Variants in ARID1B observed in about 807,000 individuals in gnomAD.
ARID1B encodes the protein AT-rich interactive domain-containing protein 1B.
ARID1B carries 30 observed loss-of-function variants against 212.3 expected under a neutral mutation model. The ratio of observed to expected loss-of-function variants is 0.14; its 90% CI spans 0.11 to 0.19. The LOEUF (loss-of-function observed/expected upper bound fraction) is 0.19. Among genes scored for constraint, ARID1B ranks in the 10% least tolerant of loss-of-function variants. ARID1B has a pLI of 1.00. For missense variants in ARID1B, 2,891 were observed against 3,204.0 expected (o/e 0.90, Z 2.36); for synonymous variants, 1,402 against 1,301.7 (o/e 1.08, Z -1.66).
At chr6:156,934,913 T>C in intron 3 of ARID1B, among the ~76,000 whole-genome samples, 1 of 30,858 alleles carries the variant, frequency 3.2e-5, no homozygotes, top group South Asian at 7.6e-4. Flanking sequence ...AGTTGTTAAT[T>C]ATATATATAT....
chr6:157,044,491 C>T (rs568215145), intron 4 of ARID1B, among the ~76,000 whole-genome samples: 2 of 152,272 alleles, frequency 1.3e-5, no homozygotes, highest in South Asian at 2.1e-4. Flanking sequence ...ACAATGGCAA[C>T]CCATGTCTGA....
At chr6:156,882,291 C>G (rs1254185785) in intron 2 of ARID1B, among the ~76,000 whole-genome samples, 1 of 152,178 alleles carries the variant, frequency 6.6e-6, no homozygotes, top group Non-Finnish European at 1.5e-5. Flanking sequence ...CAGCCTGCCT[C>G]TCTGCTGTGC....
chr6:157,182,729 C>G (rs1792652153), intron 12 of ARID1B, among the ~76,000 whole-genome samples: 1 of 152,160 alleles, frequency 6.6e-6, no homozygotes, highest in South Asian at 2.1e-4. Context: ...GCTGCATAAC[C>G]AGCTGCTAAG....
chr6:157,131,386 A>G (rs1788536141), intron 6 of ARID1B, among the ~76,000 whole-genome samples: 1 of 152,070 alleles, frequency 6.6e-6, no homozygotes, highest in Non-Finnish European at 1.5e-5. Flanking sequence ...GGGAAAGGGC[A>G]AGGGTTGGTG....
At chr6:157,132,028 A>T (rs1788587067) in intron 6 of ARID1B, among the ~76,000 whole-genome samples, 1 of 152,170 alleles carries the variant, frequency 6.6e-6, no homozygotes, top group Non-Finnish European at 1.5e-5. Flanking sequence ...ATATGCTCTC[A>T]TTTCCTTTTA....
At chr6:157,160,052 G>C (rs980671776) in intron 8 of ARID1B, among the ~76,000 whole-genome samples, 3 of 152,228 alleles carry the variant, frequency 2.0e-5, no homozygotes, top group African/African-American at 7.2e-5. Context: ...GCTCCAGCTT[G>C]TCTGCTAGCA....
intron 4 of ARID1B, among the ~76,000 whole-genome samples, chr6:157,066,605 C>G (rs137987526): frequency 6.6e-6 from 1 of 152,122 alleles, no homozygotes; most frequent in Non-Finnish European, 1.5e-5. Context: ...TCATGGTGGT[C>G]TTTTGTTCCA....
intron 12 of ARID1B, among the ~76,000 whole-genome samples, chr6:157,181,850 C>T (rs956521449): frequency 6.6e-6 from 1 of 152,196 alleles, no homozygotes; most frequent in Non-Finnish European, 1.5e-5. Context: ...GGACCACGCC[C>T]TGTCATAGGA....
At chr6:156,800,360 G>A (rs781215411) in intron 1 of ARID1B, among the ~76,000 whole-genome samples, 2 of 152,126 alleles carry the variant, frequency 1.3e-5, no homozygotes, top group Admixed American at 6.5e-5. Flanking sequence ...AGGCCGAGGC[G>A]GGTGGATCAT....
At chr6:156,956,902 C>T (rs768758715) in intron 4 of ARID1B, among the ~76,000 whole-genome samples, 5 of 152,072 alleles carry the variant, frequency 3.3e-5, no homozygotes, top group Non-Finnish European at 5.9e-5. Flanking sequence ...TGGCTAGTGC[C>T]GACCATACTG....
chr6:157,174,307 C>T (rs1292586805), intron 10 of ARID1B, 190 bp downstream of exon 10: 1 of 551,400 alleles, frequency 1.8e-6, no homozygotes, highest in African/African-American at 1.9e-5. Context: ...CTGAAAGTTA[C>T]TAGTTCTTAT....
In ARID1B at chr6:157,201,118, T is replaced by C. The variant is rs61747988; in HGVS notation, c.4893T>C (p.His1631=). 4,873 of 1,614,160 alleles carry C rather than the reference T, an allele frequency of 3.0e-3. 142 individuals carry two copies. In the African/African-American group the frequency reaches 0.055, roughly 18 times the overall value. ...TGGTACCCGATCAGAGGATAAATCA[T>C]GAGAGCCAGTGGCCTTCTCACGTCA... The part of the protein sequence containing the change: ...DMMVPDQRIN[H]ESQWPSHVSQ... Residue 1631 remains histidine, a synonymous_variant, in exon 18 of 20, where the codon CAT becomes CAC. Coordinates refer to ENST00000636930, the MANE Select transcript of ARID1B (RefSeq NM_001374828.1). This position sits in a 1 kb window ranked among gnomAD's most constrained non-coding sequence, Gnocchi z 5.2.
chr6:156,849,933 CTG>C lies in ARID1B; in HGVS notation c.1986+20514_1986+20515del, dbSNP rs1336631568. Among the ~76,000 whole-genome samples, 8 of 151,344 alleles carry C rather than the reference CTG, an allele frequency of 5.3e-5. No individual in the cohort carries two copies. The East Asian group carries it at 1.5e-3, about 29-fold the overall frequency. ...ACACCGGGCTTTCTGAAACCCAGTG[CTG>C]TCTTTTTTTGTAATACTCCTGTGGA... On this transcript the variant is annotated intron_variant, in intron 2 of 19. Coordinates refer to ENST00000636930, the MANE Select transcript of ARID1B (RefSeq NM_001374828.1).
chr6:157,035,385 C>T (rs1163367110), intron 4 of ARID1B, among the ~76,000 whole-genome samples: 3 of 152,122 alleles, frequency 2.0e-5, no homozygotes, highest in South Asian at 4.1e-4. Context: ...TTCCTGTTCG[C>T]GTTTTTCCTT....
intron 4 of ARID1B, among the ~76,000 whole-genome samples, chr6:157,039,882 T>TTCCTAC (rs1554287391): frequency 1.5e-5 from 1 of 67,230 alleles, no homozygotes; most frequent in Admixed American, 1.6e-4. Context: ...CTTTCTTTTC[T>TTCCTAC]CTTCCTTCCT....
At chr6:156,874,783 A>G (rs1786414018) in intron 2 of ARID1B, among the ~76,000 whole-genome samples, 1 of 151,620 alleles carries the variant, frequency 6.6e-6, no homozygotes, top group Admixed American at 6.6e-5. Flanking sequence ...ACTCCTCAAA[A>G]CTCCATTCCA....
intron 4 of ARID1B, among the ~76,000 whole-genome samples, chr6:157,083,540 T>C (rs889697859): frequency 1.3e-5 from 2 of 152,188 alleles, no homozygotes; most frequent in African/African-American, 2.4e-5. Flanking sequence ...CTTCCTCCTC[T>C]CTCATCTTCC....
intron 2 of ARID1B, among the ~76,000 whole-genome samples, chr6:156,895,825 A>G (rs1788342468): frequency 6.6e-6 from 1 of 152,188 alleles, no homozygotes; most frequent in African/African-American, 2.4e-5. Flanking sequence ...CTTTCTTTTT[A>G]TAAAGGAGCA....
At chr6:157,008,547 T>C (rs935802663) in intron 4 of ARID1B, among the ~76,000 whole-genome samples, 30 of 152,216 alleles carry the variant, frequency 2.0e-4, no homozygotes, top group African/African-American at 7.2e-4. Flanking sequence ...CTCTTCAGCT[T>C]AACTCAGACA....
Sources: gnomAD v4.1 joint callset for allele counts (sites outside exome capture counted in the v4.1 genomes callset) on GRCh38, gnomAD v4.1.1 for gene constraint, Gnocchi (gnomAD v3.1) non-coding constraint, MANE v1.5 for transcripts, NCBI Gene and HGNC (gene_info 2026-07-23, HGNC 2026-07-21) for gene names.